Variants in PIK3C2G observed in about 807,000 individuals in gnomAD.
The protein encoded by PIK3C2G is phosphatidylinositol 3-kinase C2 domain-containing subunit gamma.
In PIK3C2G, 168 loss-of-function variants were observed where a neutral mutation model predicts 181.1. The ratio of observed to expected loss-of-function variants is 0.93; its 90% CI spans 0.82 to 1.05. The LOEUF is 1.05. PIK3C2G is among the 50% of genes least tolerant of loss of function. The pLI, the probability that PIK3C2G is intolerant of heterozygous loss-of-function variation, is 0.00. For synonymous variants in PIK3C2G, 573 were observed against 592.2 expected (o/e 0.97, Z 0.47); for missense variants, 1,869 against 1,732.8 (o/e 1.08, Z -1.40).
chr12:18,387,915 G>A (rs1943277407), intron 14 of PIK3C2G, among the ~76,000 whole-genome samples: 1 of 152,138 alleles, frequency 6.6e-6, no homozygotes, highest in African/African-American at 2.4e-5. Flanking sequence ...ATACCAAAAT[G>A]TTTGGCTCTT....
the PIK3C2G span, chr12:18,701,906 T>TC: frequency 7.6e-7 from 1 of 1,319,670 alleles, no homozygotes; most frequent in Non-Finnish European, 1.0e-6. Context: ...CTCCATTTTT[T>TC]CCCATACCCC....
In PIK3C2G at chr12:18,581,111, C is replaced by A. The variant is rs1946477987; in HGVS notation, c.4012-13383C>A. Among the ~76,000 whole-genome samples, 3 of 152,152 alleles carry A rather than the reference C, an allele frequency of 2.0e-5. No homozygotes were observed. The South Asian group carries it at 6.2e-4, about 31-fold the overall frequency. On this transcript the variant is annotated intron_variant, in intron 29 of 32. Coordinates refer to ENST00000538779, the MANE Select transcript of PIK3C2G (RefSeq NM_001288772.2). ...TTAAGTAACTTTGAATTGATCAACTCTCTGAAAAAATCAATCATATTAAAT... is the reference window on the plus strand; with the variant it reads ...TTAAGTAACTTTGAATTGATCAACTATCTGAAAAAATCAATCATATTAAAT...
At chr12:18,307,702 T>A (rs1423099765) in intron 5 of PIK3C2G, among the ~76,000 whole-genome samples, 1 of 151,864 alleles carries the variant, frequency 6.6e-6, no homozygotes, top group Non-Finnish European at 1.5e-5. Flanking sequence ...AAATAAAAAT[T>A]CATTTTTTAC....
At chr12:18,413,796 A>G (rs905986245) in intron 16 of PIK3C2G, among the ~76,000 whole-genome samples, 6 of 152,284 alleles carry the variant, frequency 3.9e-5, no homozygotes, top group South Asian at 2.1e-4. Context: ...CTAATAAAGC[A>G]GGATAACCTG....
At chr12:18,446,385 G>A (rs962939581) in intron 18 of PIK3C2G, among the ~76,000 whole-genome samples, 1 of 152,098 alleles carries the variant, frequency 6.6e-6, no homozygotes. Context: ...GAGAGTTCAT[G>A]GTATGTATTC....
intron 3 of PIK3C2G, among the ~76,000 whole-genome samples, chr12:18,288,157 C>T (rs369061509): frequency 8.4e-4 from 127 of 151,564 alleles, no homozygotes; most frequent in Middle Eastern, 6.8e-3. Context: ...AGGGAAACTC[C>T]GTCTCAAAAA....
the PIK3C2G span, chr12:18,723,212 C>T: frequency 4.6e-6 from 5 of 1,080,334 alleles, no homozygotes; most frequent in Non-Finnish European, 6.7e-6. Flanking sequence ...ATTTGATAAC[C>T]ACAATTCATA....
At chr12:18,280,462 G>A (rs893148922) in intron 1 of PIK3C2G, among the ~76,000 whole-genome samples, 5 of 151,990 alleles carry the variant, frequency 3.3e-5, no homozygotes, top group Non-Finnish European at 7.4e-5. Flanking sequence ...AGCAAGGCAA[G>A]AAGTAGGATG....
the PIK3C2G span, among the ~76,000 whole-genome samples, chr12:18,690,002 C>T: frequency 6.6e-6 from 1 of 152,146 alleles, no homozygotes; most frequent in Admixed American, 6.6e-5. Flanking sequence ...TACACCTCAA[C>T]AAGAGACTCC....
intron 31 of PIK3C2G, among the ~76,000 whole-genome samples, chr12:18,634,056 C>T (rs1358934828): frequency 6.6e-6 from 1 of 152,158 alleles, no homozygotes; most frequent in Non-Finnish European, 1.5e-5. Flanking sequence ...TTTGTAGAAT[C>T]TTGCTGCAGC....
chr12:18,623,648 A>C (rs1302234203), intron 31 of PIK3C2G, among the ~76,000 whole-genome samples: 1 of 151,746 alleles, frequency 6.6e-6, no homozygotes, highest in Non-Finnish European at 1.5e-5. Context: ...CATTTTAAGA[A>C]TATTAATTAT....
At chr12:18,528,134 A>G (rs1943347217) in intron 24 of PIK3C2G, among the ~76,000 whole-genome samples, 2 of 152,104 alleles carry the variant, frequency 1.3e-5, no homozygotes, top group Non-Finnish European at 2.9e-5. Flanking sequence ...TAATTATCTA[A>G]TGTTCTATCC....
chr12:18,370,400 G>T (rs1432848392), intron 12 of PIK3C2G, among the ~76,000 whole-genome samples: 1 of 152,076 alleles, frequency 6.6e-6, no homozygotes, highest in Admixed American at 6.6e-5. Context: ...TCTGAGCTCG[G>T]AGAGTCTTGA....
At chr12:18,556,826 G>C (rs964760270) in intron 26 of PIK3C2G, among the ~76,000 whole-genome samples, 2 of 152,066 alleles carry the variant, frequency 1.3e-5, no homozygotes, top group African/African-American at 4.8e-5. Context: ...TGAATAATGG[G>C]ATCAGAGTCA....
At position 18,293,942 on chromosome 12, in the gene PIK3C2G, T is replaced by C; in HGVS notation, c.961T>C (p.Phe321Leu). 6.3e-7 allele frequency: 1 copy of C among 1,597,394 alleles called. No individual in the cohort carries two copies. The highest frequency in any genetic ancestry group is 8.6e-7 in the Non-Finnish European group (1 of 1,165,032). The change falls in exon 5 of 33, where the codon TTT (phenylalanine) becomes CTT (leucine). Residue 321 changes from phenylalanine (F) to leucine (L), a missense_variant. Phe to Leu is a conservative substitution (Grantham distance 22, BLOSUM62 0). Coordinates refer to ENST00000538779, the MANE Select transcript of PIK3C2G (RefSeq NM_001288772.2). ...AGATCTAATTGCAGAAATTCTGCAT[T>C]TTTGCACAAATGACCAGCTACTCCC... The part of the protein sequence containing the change: ...VKDLIAEILH[F>L]CTNDQLLPKD...
intron 31 of PIK3C2G, among the ~76,000 whole-genome samples, chr12:18,640,182 A>G (rs186644342): frequency 6.6e-6 from 1 of 152,138 alleles, no homozygotes; most frequent in African/African-American, 2.4e-5. Context: ...AATTATATGT[A>G]ATGGACTTTA....
chr12:18,463,824 A>G (rs1948047723), intron 18 of PIK3C2G, among the ~76,000 whole-genome samples: 1 of 152,124 alleles, frequency 6.6e-6, no homozygotes, highest in Non-Finnish European at 1.5e-5. Flanking sequence ...ATCCCTTTAT[A>G]TTATCCATAA....
In PIK3C2G at chr12:18,516,885, T is replaced by A. The variant is rs1033035657; in HGVS notation, c.3323+11424T>A. On this transcript the variant is annotated intron_variant, in intron 24 of 32. Transcript: ENST00000538779. ...TTTTCCAAATTTTATTTATATTTTT[T>A]AAACATTTTCTTTGTTATTCACTGA... 5.3e-5 allele frequency among the ~76,000 whole-genome samples: 8 copies of A among 152,020 alleles called. 1 individual carries two copies. The South Asian group carries it at 1.0e-3, about 20-fold the overall frequency.
At chr12:18,709,535 T>TA in the PIK3C2G span, among the ~76,000 whole-genome samples, 7 of 151,906 alleles carry the variant, frequency 4.6e-5, no homozygotes, top group African/African-American at 1.7e-4. Context: ...TTAGGACTTT[T>TA]TTTTTATTTC....
Sources: gnomAD v4.1 joint callset for allele counts (sites outside exome capture counted in the v4.1 genomes callset) on GRCh38, gnomAD v4.1.1 for gene constraint, MANE v1.5 for transcripts, NCBI Gene and HGNC (gene_info 2026-07-23, HGNC 2026-07-21) for gene names.